The following ATP1A4 variants were observed in gnomAD, a reference collection of about 807,000 sequenced individuals.
ATP1A4 encodes the protein ATPase Na+/K+ transporting subunit alpha 4.
In ATP1A4, 90 loss-of-function variants were observed where a neutral mutation model predicts 114.3. The ratio of observed to expected loss-of-function variants is 0.79; its 90% CI spans 0.66 to 0.94. The LOEUF (loss-of-function observed/expected upper bound fraction) is 0.94, where lower values mean the gene tolerates loss of function less well. ATP1A4 is among the 40% of genes least tolerant of loss of function. ATP1A4 has a pLI of 0.00. For missense variants in ATP1A4, 1,222 were observed against 1,313.6 expected (o/e 0.93, Z 1.08); for synonymous variants, 511 against 494.1 (o/e 1.03, Z -0.45).
chr1:160,171,328 G>A lies in ATP1A4; in HGVS notation c.1569G>A (p.Glu523=). 1 of 1,614,152 alleles carries A rather than the reference G, an allele frequency of 6.2e-7. No individual in the cohort carries two copies. Among genetic ancestry groups the A allele is most frequent in the Non-Finnish European group, 8.5e-7 (1 of 1,180,032 alleles). Residue 523 remains glutamate, a synonymous_variant, in exon 11 of 22, where the codon GAG becomes GAA. Coordinates refer to ENST00000368081, the MANE Select transcript of ATP1A4 (RefSeq NM_144699.4). ...MMKGAPERIL[E]FCSTFLLNGQ... ...AGGGTGCTCCGGAGAGGATCTTGGA[G>A]TTTTGTTCTACCTTTCTTCTGAATG...
In ATP1A4 at chr1:160,177,529, G is replaced by C; in HGVS notation, c.2601G>C (p.Gln867His). The C allele has an allele frequency of 6.2e-7, 1 of 1,614,114 alleles. No individual in the cohort carries two copies. Among genetic ancestry groups the C allele is most frequent in the Non-Finnish European group, 8.5e-7 (1 of 1,180,014 alleles). ...CTCTGTCATTCACAGGGATGATCCA[G>C]GCTCTGGCTGGATTCTTTACCTACT... is the stretch of plus-strand genomic sequence containing the variant. ...GMAYGQIGMI[Q>H]ALAGFFTYFV... The change falls in exon 18 of 22, where the codon CAG becomes CAC. Residue 867 changes from glutamine to histidine, a missense_variant. Gln to His is a conservative substitution (Grantham distance 24). Coordinates refer to ENST00000368081, the MANE Select transcript of ATP1A4 (RefSeq NM_144699.4).
chr1:160,177,353 G>T (rs991670081), intron 17 of ATP1A4, 166 bp from the exon 18 acceptor site: 1 of 607,096 alleles, frequency 1.6e-6, no homozygotes, highest in Non-Finnish European at 2.8e-6. Flanking sequence ...ACAGAGATGA[G>T]AGATAACAGG....
At chr1:160,184,428 T>A (rs1653813092) in intron 20 of ATP1A4, among the ~76,000 whole-genome samples, 1 of 152,158 alleles carries the variant, frequency 6.6e-6, no homozygotes, top group South Asian at 2.1e-4. Context: ...ACACTGACGG[T>A]CCCAGCTACT....
At chr1:160,156,415 C>T (rs1652668117) in intron 4 of ATP1A4, among the ~76,000 whole-genome samples, 1 of 151,614 alleles carries the variant, frequency 6.6e-6, no homozygotes, top group African/African-American at 2.4e-5. Context: ...CCATACAAAC[C>T]CCAAATAAGA....
chr1:160,186,244 C>T (rs375411480), intron 20 of ATP1A4, 32 bp from the exon 21 acceptor site: 16 of 1,476,624 alleles, frequency 1.1e-5, no homozygotes, highest in Non-Finnish European at 1.4e-5. Flanking sequence ...TCTCTCTCTC[C>T]TGCCATGCTG....
intron 18 of ATP1A4, 52 bp from the exon 19 acceptor site, chr1:160,181,632 G>T (rs949219418): frequency 1.2e-6 from 2 of 1,605,916 alleles, no homozygotes; most frequent in African/African-American, 2.7e-5. Context: ...GAAGCCTTAG[G>T]GTGTACAGAA....
Position 160,176,108 on chromosome 1 carries a change from C to T in ATP1A4, c.2328C>T (p.Asp776=). 2 of 1,614,140 alleles carry T rather than the reference C, an allele frequency of 1.2e-6. No individual in the cohort carries two copies. The highest frequency in any genetic ancestry group is 1.7e-6 in the Non-Finnish European group (2 of 1,180,018). ...TGVEEGRLIF[D]NLKKSIMYTL... ...CCTCCCCAGGCCGCCTGATCTTTGA[C>T]AACCTGAAGAAATCCATCATGTACA... Residue 776 remains aspartate (D), a synonymous_variant, in exon 16 of 22, where the codon GAC becomes GAT. Coordinates refer to ENST00000368081, the MANE Select transcript of ATP1A4 (RefSeq NM_144699.4).
At chr1:160,186,634 C>T (rs2101664752) in intron 21 of ATP1A4, 37 bp from the exon 22 acceptor site, 2 of 1,603,072 alleles carry the variant, frequency 1.2e-6, no homozygotes, top group Non-Finnish European at 1.7e-6. Context: ...CCTCTAATTC[C>T]TTCTCCCAGT....
intron 2 of ATP1A4, among the ~76,000 whole-genome samples, chr1:160,154,215 A>G (rs557359876): frequency 9.2e-5 from 14 of 152,228 alleles, no homozygotes; most frequent in African/African-American, 3.4e-4. Flanking sequence ...TTATCCTGGC[A>G]TAGTGGCACA....
At chr1:160,166,402 TG>T in intron 7 of ATP1A4, 125 bp from the exon 8 acceptor site, 1 of 1,239,084 alleles carries the variant, frequency 8.1e-7, no homozygotes, top group Non-Finnish European at 1.1e-6. Context: ...AAAGAGTAGG[TG>T]GGAACAAAAG....
At chr1:160,172,091 C>T (rs1011097831) in intron 12 of ATP1A4, among the ~76,000 whole-genome samples, 5 of 152,146 alleles carry the variant, frequency 3.3e-5, no homozygotes, top group African/African-American at 7.2e-5. Context: ...TGAGAACCAG[C>T]GTCCAGCCCA....
intron 4 of ATP1A4, among the ~76,000 whole-genome samples, chr1:160,158,132 C>T (rs930657854): frequency 4.6e-5 from 7 of 152,188 alleles, no homozygotes; most frequent in African/African-American, 1.2e-4. Flanking sequence ...TACCCTAAAA[C>T]TTAGTGGCTT....
chr1:160,179,353 T>A (rs1034980569), intron 18 of ATP1A4, among the ~76,000 whole-genome samples: 1 of 152,200 alleles, frequency 6.6e-6, no homozygotes, highest in African/African-American at 2.4e-5. Flanking sequence ...TCCTCCCTGC[T>A]GCCAAGATGC....
chr1:160,178,205 A>T (rs1463370470), intron 18 of ATP1A4, among the ~76,000 whole-genome samples: 1 of 151,836 alleles, frequency 6.6e-6, no homozygotes, highest in Admixed American at 6.6e-5. Flanking sequence ...AAAATACAAA[A>T]TTAGCCGGGC....
In ATP1A4 at chr1:160,171,693, T is replaced by C. The variant is rs1267016884; in HGVS notation, c.1790T>C (p.Met597Thr). Residue 597 changes from methionine to threonine, a missense_variant, in exon 12 of 22, where the codon ATG becomes ACG. Coordinates refer to ENST00000368081, the MANE Select transcript of ATP1A4 (RefSeq NM_144699.4). ...DNLCFVGLIS[M>T]IDPPRAAVPD... ...CTTTGTTTTGTGGGCCTCATATCCA[T>C]GATTGACCCTCCCCGAGCTGCAGTG... 1 of 1,614,154 alleles carries C rather than the reference T, an allele frequency of 6.2e-7. No individual in the cohort carries two copies. The highest frequency in any genetic ancestry group is 1.7e-5 in the Admixed American group (1 of 60,024).
chr1:160,159,399 C>T lies in ATP1A4; in HGVS notation c.661-10C>T, dbSNP rs746782397. 2 of 1,601,780 alleles carry T rather than the reference C, an allele frequency of 1.2e-6. No individual in the cohort carries two copies. The highest frequency in any genetic ancestry group is 4.5e-5 in the East Asian group (2 of 44,824). On this transcript the variant is annotated splice_polypyrimidine_tract_variant and intron_variant, in intron 5 of 21. Transcript: ENST00000368081. The stretch of plus-strand genomic sequence containing the variant: ...GCTCACCTTACAACGCGTCCCCTCT[C>T]CCATCCCAGGTGGACAACTCATCCT...
At chr1:160,159,671 G>T in intron 6 of ATP1A4, 145 bp downstream of exon 6, 1 of 660,114 alleles carries the variant, frequency 1.5e-6, no homozygotes, top group Non-Finnish European at 2.6e-6. Flanking sequence ...GACCTCTGGT[G>T]AAAGGTCAAG....
chr1:160,167,491 C>A, intron 10 of ATP1A4, 79 bp downstream of exon 10: 5 of 1,569,292 alleles, frequency 3.2e-6, no homozygotes, highest in African/African-American at 1.4e-5. Flanking sequence ...TTGCCTCTGC[C>A]TTCAACTTCA....
In ATP1A4 at chr1:160,171,599, A is replaced by G; in HGVS notation, c.1696A>G (p.Asn566Asp). ...GERVLGFCFL[N>D]LPSSFSKGFP... ...TCTCTCTCCAGGCTTCTGCTTCTTGAATCTGCCTAGCAGCTTCTCCAAGGG... is the reference window on the plus strand; with the variant it reads ...TCTCTCTCCAGGCTTCTGCTTCTTGGATCTGCCTAGCAGCTTCTCCAAGGG... The change falls in exon 12 of 22, where the codon AAT becomes GAT. Residue 566 changes from asparagine to aspartate, a missense_variant. Physicochemically the swap from Asn to Asp is conservative, Grantham distance 23. Coordinates refer to ENST00000368081, the MANE Select transcript of ATP1A4 (RefSeq NM_144699.4). The G allele has an allele frequency of 6.2e-7, 1 of 1,613,906 alleles. No homozygotes were observed. Among genetic ancestry groups the G allele is most frequent in the Non-Finnish European group, 8.5e-7 (1 of 1,179,908 alleles).
Sources: gnomAD v4.1 joint callset for allele counts (sites outside exome capture counted in the v4.1 genomes callset) on GRCh38, gnomAD v4.1.1 for gene constraint, MANE v1.5 for transcripts, NCBI Gene and HGNC (gene_info 2026-07-23, HGNC 2026-07-21) for gene names.